RELN: variants seen among roughly 807,000 people sequenced by gnomAD.
RELN encodes reelin.
A neutral mutation model predicts 427.6 loss-of-function variants in RELN; 108 were observed. The ratio of observed to expected loss-of-function variants is 0.25; its 90% CI spans 0.22 to 0.30. RELN has a LOEUF of 0.30. Ranked by LOEUF, RELN falls within the 10% of genes least tolerant of loss-of-function variation. RELN has a pLI of 1.00. For synonymous variants in RELN, 1,524 were observed against 1,513.4 expected (o/e 1.01, Z -0.16); for missense variants, 3,715 against 4,302.8 (o/e 0.86, Z 3.82).
intron 32 of RELN, 74 bp downstream of exon 32, chr7:103,566,525 AAC>A: frequency 6.3e-7 from 1 of 1,597,336 alleles, no homozygotes; most frequent in East Asian, 2.2e-5. Context: ...CAAATTAAGA[AAC>A]ACACAGTGCA....
intron 3 of RELN, among the ~76,000 whole-genome samples, chr7:103,783,305 A>G (rs1791940931): frequency 6.6e-6 from 1 of 151,774 alleles, no homozygotes; most frequent in Non-Finnish European, 1.5e-5. Flanking sequence ...TAATTTGGGG[A>G]TATATATTGA....
Position 103,490,665 on chromosome 7 carries a change from T to C in RELN, c.9605+3A>G. On this transcript the variant is annotated splice_donor_region_variant and intron_variant, in intron 59 of 64. Transcript: ENST00000428762. ...ACAAAGTTTACCTTAATTTGCAACC[T>C]ACCTAGAGGAGACATGGTCAGGCAG... 6.2e-7 allele frequency: 1 copy of C among 1,614,154 alleles called. No individual in the cohort carries two copies. Among genetic ancestry groups the C allele is most frequent in the Non-Finnish European group, 8.5e-7 (1 of 1,180,000 alleles).
At chr7:103,872,030 A>AT (rs1554434458) in intron 2 of RELN, among the ~76,000 whole-genome samples, 8 of 138,442 alleles carry the variant, frequency 5.8e-5, no homozygotes, top group African/African-American at 1.9e-4. Flanking sequence ...ATATATATAT[A>AT]TTTTTCTTTT....
intron 38 of RELN, among the ~76,000 whole-genome samples, chr7:103,556,020 T>G (rs1479033840): frequency 3.3e-5 from 5 of 152,228 alleles, no homozygotes; most frequent in Admixed American, 3.3e-4. Flanking sequence ...GTCTGGTCCT[T>G]TATAATCAGC....
At chr7:103,755,435 C>A (rs993241840) in intron 4 of RELN, among the ~76,000 whole-genome samples, 7 of 151,970 alleles carry the variant, frequency 4.6e-5, no homozygotes, top group Non-Finnish European at 8.8e-5. Flanking sequence ...GGTGAAACCC[C>A]ATCTCTACTA....
At chr7:103,857,472 T>A (rs1793973691) in intron 2 of RELN, among the ~76,000 whole-genome samples, 1 of 152,198 alleles carries the variant, frequency 6.6e-6, no homozygotes, top group Non-Finnish European at 1.5e-5. Context: ...TAATACAACC[T>A]CACCTGGGTG....
intron 2 of RELN, among the ~76,000 whole-genome samples, chr7:103,908,777 C>T (rs182717395): frequency 6.6e-6 from 1 of 152,180 alleles, no homozygotes; most frequent in East Asian, 1.9e-4. Context: ...GAATGGAATA[C>T]TCAAATGGAA....
At position 103,812,882 on chromosome 7, in the gene RELN, G is replaced by A. The variant is rs186153540; in HGVS notation, c.473+20655C>T. Among the ~76,000 whole-genome samples the A allele has an allele frequency of 2.9e-3, 447 of 152,078 alleles. 3 individuals are homozygous for A. The highest frequency in any genetic ancestry group is 0.01 in the African/African-American group (433 of 41,496). ...TTGTCATTACTGCACTCTAATTCTA[G>A]CTTATCTAATATCAATGTTTAAAAT... On this transcript the variant is annotated intron_variant, in intron 3 of 64. Coordinates refer to ENST00000428762, the MANE Select transcript of RELN (RefSeq NM_005045.4).
At chr7:103,500,429 AAAAGT>A (rs1828988227) in intron 53 of RELN, among the ~76,000 whole-genome samples, 1 of 152,196 alleles carries the variant, frequency 6.6e-6, no homozygotes, top group African/African-American at 2.4e-5. Context: ...CATCAATTGA[AAAAGT>A]GAAGTAAAAA....
At chr7:103,540,837 TGAAAC>T (rs1830162091) in intron 43 of RELN, among the ~76,000 whole-genome samples, 1 of 152,040 alleles carries the variant, frequency 6.6e-6, no homozygotes, top group African/African-American at 2.4e-5. Context: ...CCTTAAACTC[TGAAAC>T]TGAAAGTTTG....
Position 103,651,693 on chromosome 7 carries a change from G to A in RELN, c.1860C>T (p.His620=). The A allele has an allele frequency of 2.5e-6, 4 of 1,611,944 alleles. No individual in the cohort carries two copies. The highest frequency in any genetic ancestry group is 3.4e-6 in the Non-Finnish European group (4 of 1,178,584). The change falls in exon 15 of 65, where the codon CAC becomes CAT. Residue 620 remains histidine, a synonymous_variant. Coordinates refer to ENST00000428762, the MANE Select transcript of RELN (RefSeq NM_005045.4). ...AGTTTTCAGAGGAGTAGACAGTGCT[G>A]TGGGGGAGGTGGGGTCCAGCACAGA... ...PEICAGPHLP[H]STVYSSENYS...
chr7:103,651,555 G>T (rs1482225493), intron 15 of RELN, 106 bp downstream of exon 15: 2 of 1,100,680 alleles, frequency 1.8e-6, no homozygotes, highest in Middle Eastern at 2.6e-4. Flanking sequence ...AAGAGGTTAG[G>T]TTTCTTACCT....
intron 48 of RELN, among the ~76,000 whole-genome samples, chr7:103,519,965 C>T (rs1829662458): frequency 6.6e-6 from 1 of 152,098 alleles, no homozygotes; most frequent in Non-Finnish European, 1.5e-5. Flanking sequence ...CAGTAGGTAC[C>T]CAGCACATGT....
intron 2 of RELN, among the ~76,000 whole-genome samples, chr7:103,884,553 C>T (rs574810950): frequency 7.9e-5 from 12 of 152,220 alleles, no homozygotes; most frequent in African/African-American, 2.9e-4. Flanking sequence ...AGCTAATATC[C>T]AGAATCTACA....
At chr7:103,843,264 G>A (rs1296923718) in intron 2 of RELN, among the ~76,000 whole-genome samples, 5 of 151,898 alleles carry the variant, frequency 3.3e-5, no homozygotes, top group Non-Finnish European at 7.4e-5. Flanking sequence ...AGGTGCACTG[G>A]TATGATCACA....
At chr7:103,652,828 T>G (rs1302337999) in intron 13 of RELN, 69 bp from the exon 14 acceptor site, 1 of 1,406,470 alleles carries the variant, frequency 7.1e-7, no homozygotes, top group African/African-American at 1.4e-5. Flanking sequence ...TTCTCCTAGA[T>G]TTGACCTAAT....
At chr7:103,552,479 G>A (rs919975748) in intron 40 of RELN, among the ~76,000 whole-genome samples, 1 of 151,014 alleles carries the variant, frequency 6.6e-6, no homozygotes, top group Non-Finnish European at 1.5e-5. Context: ...TTCGAATATA[G>A]GCACTTGTTT....
rs147885580 is a variant in RELN at position 103,953,014 on chromosome 7, C to G, written c.227-35829G>C. 6.6e-6 allele frequency among the ~76,000 whole-genome samples: 1 copy of G among 152,146 alleles called. No homozygotes were observed. Among genetic ancestry groups the G allele is most frequent in the Non-Finnish European group, 1.5e-5 (1 of 68,040 alleles). Reference sequence around the variant, plus strand: ...ATACTCCTCTATAATCTCATAGCCACTACTGCATTCACCTCCCAATGTGCC... The same window carrying G: ...ATACTCCTCTATAATCTCATAGCCAGTACTGCATTCACCTCCCAATGTGCC... On this transcript the variant is annotated intron_variant, in intron 1 of 64. Transcript: ENST00000428762. The surrounding 1 kb of genome is among the most constrained non-coding windows in gnomAD (Gnocchi z 4.3).
chr7:103,491,842 TCTCTCTCTCTCTCTCACACACACACACA>T (rs1828667262), intron 58 of RELN, 83 bp downstream of exon 58: 2 of 626,292 alleles, frequency 3.2e-6, no homozygotes, highest in African/African-American at 2.5e-5. Flanking sequence ...TCTCTCTCTC[TCTCTCTCTCTCTCTCACACACACACACA>T]CACACACACA....
Sources: allele counts gnomAD v4.1 joint callset (sites outside exome capture counted in the v4.1 genomes callset), GRCh38; gene constraint gnomAD v4.1.1; non-coding constraint Gnocchi (gnomAD v3.1); transcripts MANE v1.5; gene names NCBI Gene and HGNC (gene_info 2026-07-23, HGNC 2026-07-21).